Variants in DLG2 observed in about 807,000 individuals in gnomAD.
DLG2 encodes disks large homolog 2.
DLG2 carries 45 observed loss-of-function variants against 132.5 expected under a neutral mutation model. The observed-to-expected ratio is 0.34, with a 90% CI of 0.27 to 0.44. The LOEUF is 0.44. DLG2 is among the 20% of genes least tolerant of loss of function. The probability of loss-of-function intolerance (pLI) is 1.00; values close to 1 mark genes in which losing one functional copy is unlikely to be tolerated. For synonymous variants in DLG2, 424 were observed against 419.6 expected, an observed-to-expected ratio of 1.01 and a Z score of -0.13; for missense variants, 1,045 against 1,196.9, an observed-to-expected ratio of 0.87 and a Z score of 1.87.
At chr11:84,618,114 T>C (rs1228111333) in intron 6 of DLG2, among the ~76,000 whole-genome samples, 1 of 152,038 alleles carries the variant, frequency 6.6e-6, no homozygotes, top group African/African-American at 2.4e-5. Flanking sequence ...GAAAGAGTCT[T>C]TAAAAAGTGT....
At chr11:84,095,801 T>C (rs1398232140) in intron 10 of DLG2, among the ~76,000 whole-genome samples, 2 of 152,082 alleles carry the variant, frequency 1.3e-5, no homozygotes, top group Non-Finnish European at 2.9e-5. Flanking sequence ...GTAATGTGGA[T>C]TGGGGAGAAG....
chr11:83,497,737 T>C (rs1186841752), intron 21 of DLG2, among the ~76,000 whole-genome samples: 4 of 152,138 alleles, frequency 2.6e-5, no homozygotes, highest in Admixed American at 2.6e-4. Context: ...TTGTATGCAT[T>C]TTTTCATAGT....
At chr11:84,479,874 AG>A (rs1290642025) in intron 7 of DLG2, among the ~76,000 whole-genome samples, 1 of 152,182 alleles carries the variant, frequency 6.6e-6, no homozygotes, top group African/African-American at 2.4e-5. Flanking sequence ...TGCCATAAAG[AG>A]AAGCAATTAT....
chr11:85,487,795 C>G (rs965106233), intron 3 of DLG2, among the ~76,000 whole-genome samples: 1 of 152,146 alleles, frequency 6.6e-6, no homozygotes, highest in African/African-American at 2.4e-5. Context: ...TTTAGACATA[C>G]AGATACAGGA....
intron 7 of DLG2, among the ~76,000 whole-genome samples, chr11:84,518,725 C>T (rs2099281854): frequency 6.6e-6 from 1 of 152,058 alleles, no homozygotes. Flanking sequence ...GTGACAGCAG[C>T]AATTTTATTA....
rs780308629 is a variant in DLG2 at position 83,962,876 on chromosome 11, A to G, written c.1340+9T>C. Reference sequence around the variant, plus strand: ...GAGCAAATCCAATTAACTAACAGGCATATCTGACCTGGTGTAGTCGTCGTC... The same window carrying G: ...GAGCAAATCCAATTAACTAACAGGCGTATCTGACCTGGTGTAGTCGTCGTC... On this transcript the variant is annotated intron_variant, in intron 14 of 27. Coordinates refer to ENST00000376104, the MANE Select transcript of DLG2 (RefSeq NM_001142699.3). 1.2e-6 allele frequency: 2 copies of G among 1,612,084 alleles called. No homozygotes were observed. Among genetic ancestry groups the G allele is most frequent in the Non-Finnish European group, 1.7e-6 (2 of 1,178,652 alleles).
chr11:83,830,735 G>T (rs1422247250), intron 17 of DLG2, among the ~76,000 whole-genome samples: 3 of 152,214 alleles, frequency 2.0e-5, no homozygotes, highest in Non-Finnish European at 4.4e-5. Flanking sequence ...ATAGTCAGTA[G>T]CTGTGGAGAC....
At chr11:83,861,347 C>A (rs2061425244) in intron 16 of DLG2, among the ~76,000 whole-genome samples, 1 of 152,120 alleles carries the variant, frequency 6.6e-6, no homozygotes, top group Admixed American at 6.6e-5. Context: ...AAAAATTGAG[C>A]TATCATATGA....
intron 6 of DLG2, among the ~76,000 whole-genome samples, chr11:84,902,831 C>T (rs527929262): frequency 5.3e-5 from 8 of 152,248 alleles, no homozygotes; most frequent in South Asian, 4.1e-4. Context: ...TAATCTTTTC[C>T]GCTATCCAAG....
intron 8 of DLG2, among the ~76,000 whole-genome samples, chr11:84,243,858 C>T (rs941301948): frequency 2.6e-5 from 4 of 152,176 alleles, no homozygotes; most frequent in African/African-American, 7.2e-5. Context: ...CCCAGTCTCA[C>T]GATGAATATT....
At chr11:85,060,717 T>C (rs565294345) in intron 6 of DLG2, among the ~76,000 whole-genome samples, 2 of 151,846 alleles carry the variant, frequency 1.3e-5, no homozygotes, top group East Asian at 1.9e-4. Flanking sequence ...TGGTGGGTCA[T>C]ATGAAAATTA....
At chr11:84,301,979 A>G (rs1211021579) in intron 7 of DLG2, among the ~76,000 whole-genome samples, 1 of 152,222 alleles carries the variant, frequency 6.6e-6, no homozygotes, top group Non-Finnish European at 1.5e-5. Flanking sequence ...CTGGATAAAG[A>G]AAATGTGACA....
rs995188328 is a variant in DLG2, at chr11:85,063,741, C to T, written c.357+47920G>A. ...TCTAGGCTGTAAAATGGAAATAACC[C>T]CTGCTGCTTTATAAATCTATAAAAA... On this transcript the variant is annotated intron_variant, in intron 6 of 27. Coordinates refer to ENST00000376104, the MANE Select transcript of DLG2 (RefSeq NM_001142699.3). Among the ~76,000 whole-genome samples, 4 of 151,764 alleles carry T rather than the reference C, an allele frequency of 2.6e-5. No individual in the cohort carries two copies. In the South Asian group the frequency reaches 6.2e-4, roughly 24 times the overall value.
chr11:83,986,889 C>T (rs1477175433), intron 11 of DLG2, among the ~76,000 whole-genome samples: 1 of 152,012 alleles, frequency 6.6e-6, no homozygotes, highest in East Asian at 1.9e-4. Flanking sequence ...TGTCCTTTGC[C>T]CACTTTTTGA....
chr11:85,051,442 A>G (rs1434428317), intron 6 of DLG2, among the ~76,000 whole-genome samples: 1 of 152,190 alleles, frequency 6.6e-6, no homozygotes, highest in East Asian at 1.9e-4. Flanking sequence ...TCTTTCATTA[A>G]TTTATCAATT....
At chr11:83,586,880 G>A (rs1032939981) in intron 19 of DLG2, among the ~76,000 whole-genome samples, 4 of 152,196 alleles carry the variant, frequency 2.6e-5, no homozygotes, top group East Asian at 1.9e-4. Flanking sequence ...AGCAGGTATT[G>A]TTATCATGAA....
At chr11:85,207,243 G>A (rs1297796641) in intron 4 of DLG2, among the ~76,000 whole-genome samples, 1 of 152,142 alleles carries the variant, frequency 6.6e-6, no homozygotes, top group Non-Finnish European at 1.5e-5. Flanking sequence ...CTTAGACTGT[G>A]TAAACAATTG....
chr11:85,323,892 C>A (rs1047890280), intron 3 of DLG2, among the ~76,000 whole-genome samples: 1 of 151,966 alleles, frequency 6.6e-6, no homozygotes, highest in African/African-American at 2.4e-5. Context: ...TTTTTAAATC[C>A]ATTAATCTGT....
intron 6 of DLG2, among the ~76,000 whole-genome samples, chr11:84,953,539 C>G (rs2051229457): frequency 6.6e-6 from 1 of 152,080 alleles, no homozygotes; most frequent in Admixed American, 6.6e-5. Flanking sequence ...AGCTTTGTAA[C>G]TATGGACAGT....
Sources: allele counts gnomAD v4.1 joint callset (sites outside exome capture counted in the v4.1 genomes callset), GRCh38; gene constraint gnomAD v4.1.1; transcripts MANE v1.5; gene names NCBI Gene and HGNC (gene_info 2026-07-23, HGNC 2026-07-21).